Variants in HDAC9 observed in about 807,000 individuals in gnomAD.
The protein encoded by HDAC9 is MEF-2 interacting transcription repressor (MITR) protein.
In HDAC9, 41 loss-of-function variants were observed where a neutral mutation model predicts 139.4. The observed-to-expected ratio is 0.29, with a 90% confidence interval of 0.23 to 0.38. The LOEUF (loss-of-function observed/expected upper bound fraction) is 0.38. Among genes scored for constraint, HDAC9 ranks in the 10% least tolerant of loss-of-function variants. HDAC9 has a pLI of 1.00. For missense variants in HDAC9, 1,147 were observed against 1,297.0 expected (o/e 0.88, Z 1.78); for synonymous variants, 517 against 476.2 (o/e 1.09, Z -1.12).
At chr7:18,865,920 T>G (rs1350713930) in intron 21 of HDAC9, among the ~76,000 whole-genome samples, 1 of 151,800 alleles carries the variant, frequency 6.6e-6, no homozygotes, top group East Asian at 1.9e-4. Flanking sequence ...GGCTTGGATT[T>G]TCACCTATAA....
intron 1 of HDAC9, among the ~76,000 whole-genome samples, chr7:18,418,001 A>C (rs1789246588): frequency 6.6e-6 from 1 of 151,072 alleles, no homozygotes; most frequent in African/African-American, 2.4e-5. Context: ...GCTCCCCCGG[A>C]CTCTCCCTCC....
At chr7:18,168,324 A>G (rs889381839) in intron 2 of HDAC9, among the ~76,000 whole-genome samples, 3 of 152,192 alleles carry the variant, frequency 2.0e-5, no homozygotes, top group South Asian at 2.1e-4. Flanking sequence ...TATTATGATG[A>G]AAATCTAGGC....
At chr7:18,794,580 T>C (rs1330353484) in intron 17 of HDAC9, among the ~76,000 whole-genome samples, 1 of 152,204 alleles carries the variant, frequency 6.6e-6, no homozygotes, top group South Asian at 2.1e-4. Flanking sequence ...ATTGCTCATC[T>C]CAGGGGATAT....
chr7:18,871,266 T>C (rs535990333), intron 21 of HDAC9, among the ~76,000 whole-genome samples: 3 of 152,174 alleles, frequency 2.0e-5, no homozygotes, highest in Non-Finnish European at 2.9e-5. Flanking sequence ...TCCATGTCTC[T>C]TTTAAAGCAT....
intron 21 of HDAC9, among the ~76,000 whole-genome samples, chr7:18,868,633 G>GT (rs917066454): frequency 2.0e-5 from 3 of 151,850 alleles, no homozygotes; most frequent in Non-Finnish European, 4.4e-5. Flanking sequence ...TCTTGCTACA[G>GT]TTTTTTTTCT....
chr7:18,103,100 T>C (rs1229424841), intron 1 of HDAC9, among the ~76,000 whole-genome samples: 3 of 152,144 alleles, frequency 2.0e-5, no homozygotes, highest in Non-Finnish European at 4.4e-5. Flanking sequence ...AAGGCACATC[T>C]TACATAGTGG....
chr7:18,233,251 T>C (rs1411960578), intron 2 of HDAC9, among the ~76,000 whole-genome samples: 1 of 152,092 alleles, frequency 6.6e-6, no homozygotes, highest in Non-Finnish European at 1.5e-5. Flanking sequence ...TTTAATGAGA[T>C]TTTTCTGCTT....
chr7:18,635,975 A>T (rs935729758), intron 8 of HDAC9, among the ~76,000 whole-genome samples: 2 of 152,132 alleles, frequency 1.3e-5, no homozygotes, highest in African/African-American at 4.8e-5. Flanking sequence ...TGATATGTAT[A>T]ATAAATTATT....
At chr7:18,668,539 A>C (rs1273202151) in intron 12 of HDAC9, 1 of 978,630 alleles carries the variant, frequency 1.0e-6, no homozygotes, top group African/African-American at 1.8e-5. Context: ...AACAAAAAAA[A>C]CTATTTTTTA....
intron 1 of HDAC9, among the ~76,000 whole-genome samples, chr7:18,448,155 A>G (rs1199015345): frequency 1.3e-5 from 2 of 152,170 alleles, no homozygotes; most frequent in Non-Finnish European, 2.9e-5. Flanking sequence ...GTGAGCCACC[A>G]TGCCTGGCGA....
chr7:18,934,880 A>G (rs868290231), intron 22 of HDAC9, among the ~76,000 whole-genome samples: 1 of 152,170 alleles, frequency 6.6e-6, no homozygotes, highest in Admixed American at 6.5e-5. Context: ...CGACAAAAAA[A>G]CTGGAATTTG....
In HDAC9 at chr7:18,935,849, T is replaced by C. The variant is rs751154982; in HGVS notation, c.2844T>C (p.Asp948=). 1.9e-6 allele frequency: 3 copies of C among 1,613,802 alleles called. No homozygotes were observed. The highest frequency in any genetic ancestry group is 3.3e-5 in the Admixed American group (2 of 60,016). ...HLTKQLMTLA[D]GRVVLALEGG... ...CGAAGCAATTGATGACATTGGCTGATGGACGTGTGGTGTTGGCTCTAGAAG... is the reference window on the plus strand; with the variant it reads ...CGAAGCAATTGATGACATTGGCTGACGGACGTGTGGTGTTGGCTCTAGAAG... Residue 948 remains aspartate, a synonymous_variant, in exon 23 of 26, where the codon GAT becomes GAC. Coordinates refer to ENST00000686413, the MANE Select transcript of HDAC9 (RefSeq NM_178425.4).
intron 1 of HDAC9, among the ~76,000 whole-genome samples, chr7:18,382,398 T>A (rs750070640): frequency 6.6e-6 from 1 of 152,236 alleles, no homozygotes. Context: ...CTTTGAGATA[T>A]AATTCTTAGA....
chr7:18,963,660 T>G (rs970474289), intron 24 of HDAC9, among the ~76,000 whole-genome samples: 1 of 152,168 alleles, frequency 6.6e-6, no homozygotes, highest in Non-Finnish European at 1.5e-5. Flanking sequence ...AGAGTTTTCT[T>G]TTTTTCTAAA....
chr7:18,826,905 A>G (rs977356032), intron 17 of HDAC9, among the ~76,000 whole-genome samples: 1 of 151,678 alleles, frequency 6.6e-6, no homozygotes, highest in African/African-American at 2.4e-5. Flanking sequence ...TATCTGTTAT[A>G]TATATTTTTT....
chr7:18,697,669 C>A (rs915721458), intron 12 of HDAC9, among the ~76,000 whole-genome samples: 2 of 152,140 alleles, frequency 1.3e-5, no homozygotes, highest in African/African-American at 4.8e-5. Context: ...GCTCTTATCC[C>A]TTGAGTCACC....
chr7:18,585,354 G>C lies in HDAC9; in HGVS notation c.96G>C (p.Met32Ile), dbSNP rs1375380011. 1.2e-6 allele frequency: 2 copies of C among 1,613,088 alleles called. No homozygotes were observed. Among genetic ancestry groups the C allele is most frequent in the African/African-American group, 1.3e-5 (1 of 74,826 alleles). The change falls in exon 3 of 26, where the codon ATG becomes ATC. Residue 32 changes from methionine (M) to isoleucine (I), a missense_variant. By Grantham distance (10) the Met-to-Ile change is conservative (BLOSUM62 1). This residue lies in a region of HDAC9 where 136 missense variants were observed against 183.5 expected (regional missense o/e 0.74). Coordinates refer to ENST00000686413, the MANE Select transcript of HDAC9 (RefSeq NM_178425.4). ...TAGACCTAAGGACAGACCTCAGGAT[G>C]ATGATGCCCGTGGTGGACCCTGTTG... ...SPLDLRTDLRMMMPVVDPVVR... is the reference protein window; with the variant it reads ...SPLDLRTDLRIMMPVVDPVVR...
At chr7:18,644,031 G>T (rs1417832324) in intron 8 of HDAC9, among the ~76,000 whole-genome samples, 4 of 152,068 alleles carry the variant, frequency 2.6e-5, no homozygotes, top group African/African-American at 7.2e-5. Flanking sequence ...GCACAGTGAT[G>T]CCAAAACGTT....
intron 21 of HDAC9, among the ~76,000 whole-genome samples, chr7:18,851,631 A>T (rs2129224236): frequency 6.6e-6 from 1 of 152,326 alleles, no homozygotes; most frequent in South Asian, 2.1e-4. Context: ...TTCCCATGAA[A>T]CTGCGTTTTT....
Sources: gnomAD v4.1 joint callset for allele counts (sites outside exome capture counted in the v4.1 genomes callset) on GRCh38, gnomAD v4.1.1 for gene constraint, gnomAD v4.1.1 regional missense constraint, MANE v1.5 for transcripts, NCBI Gene and HGNC (gene_info 2026-07-23, HGNC 2026-07-21) for gene names.